The following NT5DC1 variants were observed in gnomAD, a reference collection of about 807,000 sequenced individuals.
NT5DC1 encodes the protein 5'-nucleotidase domain-containing protein 1.
A neutral mutation model predicts 59.4 loss-of-function variants in NT5DC1; 42 were observed. That is an observed-to-expected ratio of 0.71 (90% CI 0.55 to 0.92). The LOEUF is 0.92. Ranked by LOEUF, NT5DC1 falls within the 40% of genes least tolerant of loss-of-function variation. NT5DC1 has a pLI of 0.00. For synonymous variants in NT5DC1, 172 were observed against 188.1 expected, an observed-to-expected ratio of 0.91 and a Z score of 0.70; for missense variants, 501 against 537.1, an observed-to-expected ratio of 0.93 and a Z score of 0.66.
intron 6 of NT5DC1, among the ~76,000 whole-genome samples, chr6:116,185,921 GA>G (rs1333144783): frequency 1.3e-5 from 2 of 151,994 alleles, no homozygotes; most frequent in South Asian, 2.1e-4. Flanking sequence ...GTTGTTTCCT[GA>G]AAACCTTGGA....
rs150986356 is a variant in NT5DC1 at position 116,170,820 on chromosome 6, G to A, written c.530-50234G>A. ...GTTGATCACCTTAGAAGATCTTGCA[G>A]TTCTCACTCCCACCTGCCGTGTAGC... On this transcript the variant is annotated intron_variant, in intron 6 of 11. Transcript: ENST00000319550. Among the ~76,000 whole-genome samples the A allele has an allele frequency of 6.1e-3, 930 of 152,216 alleles. 4 individuals carry two copies. Among genetic ancestry groups the A allele is most frequent in the Non-Finnish European group, 8.1e-3 (553 of 68,004 alleles).
At chr6:116,120,616 G>C in intron 6 of NT5DC1, 2 of 1,565,212 alleles carry the variant, frequency 1.3e-6, no homozygotes, top group Non-Finnish European at 8.6e-7. Context: ...GCTCTCCAGA[G>C]TGGCCTCTTG....
intron 6 of NT5DC1, among the ~76,000 whole-genome samples, chr6:116,135,834 GATATATATATATATATATATATATAT>G (rs199827970): frequency 5.0e-4 from 51 of 102,356 alleles, no homozygotes; most frequent in Admixed American, 1.8e-3. Flanking sequence ...TATATTTTCA[GATATATATATATATATATATATATAT>G]ATATATATAT....
At chr6:116,193,083 C>T (rs1391179199) in intron 6 of NT5DC1, among the ~76,000 whole-genome samples, 3 of 152,090 alleles carry the variant, frequency 2.0e-5, no homozygotes, top group Admixed American at 1.3e-4. Flanking sequence ...GCCTTACAGA[C>T]TCTCATATAT....
rs1436589680 is a variant in NT5DC1 at position 116,248,681 on chromosome 6, G to A, written c.*4657G>A. On this transcript the variant is annotated 3_prime_UTR_variant, in exon 12 of 12. Coordinates refer to ENST00000319550, the MANE Select transcript of NT5DC1 (RefSeq NM_152729.3). ...TGTCACCACTACTCACAGGGATTAT[G>A]GCCTGAGAAACTAAAATGATACTTC... 6.6e-6 allele frequency: 1 copy of A among 152,176 alleles called. No homozygotes were observed. The highest frequency in any genetic ancestry group is 1.5e-5 in the Non-Finnish European group (1 of 68,038). The allele number at this position is 152,176 out of a possible 1,614,324, so 9.4% of individuals were successfully genotyped here. A position where few individuals can be genotyped will look rare whatever the true frequency, so the allele number is the denominator to read the frequency against.
At position 116,246,891 on chromosome 6, in the gene NT5DC1, A is replaced by G. The variant is rs1247994839; in HGVS notation, c.*2867A>G. 2.0e-5 allele frequency: 3 copies of G among 152,204 alleles called. No individual in the cohort carries two copies. Among genetic ancestry groups the G allele is most frequent in the Admixed American group, 6.5e-5 (1 of 15,272 alleles). The allele number at this position is 152,204 out of a possible 1,614,324, so 9.4% of individuals were successfully genotyped here. A position where few individuals can be genotyped will look rare whatever the true frequency, so the allele number is the denominator to read the frequency against. On this transcript the variant is annotated 3_prime_UTR_variant, in exon 12 of 12. Coordinates refer to ENST00000319550, the MANE Select transcript of NT5DC1 (RefSeq NM_152729.3). The stretch of plus-strand genomic sequence containing the variant: ...TTGGTCTCTAGAACTATCCTCAGAA[A>G]TAATAGTAAAACAGTGGTCATGAGT...
rs1293097215 is a variant in NT5DC1 at position 116,184,413 on chromosome 6, T to C, written c.530-36641T>C. On this transcript the variant is annotated intron_variant, in intron 6 of 11. Transcript: ENST00000319550. ...TGGTATTAGGGTGATACTGGCTTCA[T>C]AGAATGATTTAGAGAGGATTCCATC... Among the ~76,000 whole-genome samples, 7 of 152,104 alleles carry C rather than the reference T, an allele frequency of 4.6e-5. No individual in the cohort carries two copies. The East Asian group carries it at 1.2e-3, about 25-fold the overall frequency.
chr6:116,103,133 C>T (rs1279450360), intron 1 of NT5DC1, among the ~76,000 whole-genome samples: 1 of 152,164 alleles, frequency 6.6e-6, no homozygotes, highest in Admixed American at 6.5e-5. Context: ...CCATCAGTAT[C>T]TGTGACAGTT....
rs1056868054 is a variant in NT5DC1 at position 116,119,926 on chromosome 6, A to G, written c.529+1981A>G. On this transcript the variant is annotated intron_variant, in intron 6 of 11. Transcript: ENST00000319550. Reference sequence around the variant, plus strand: ...CGTTGCTGCTCACTTTTCAGGGGGAAGGTTTGTTGGTCTGATAGCTCAAAT... The same window carrying G: ...CGTTGCTGCTCACTTTTCAGGGGGAGGGTTTGTTGGTCTGATAGCTCAAAT... The G allele has an allele frequency of 4.0e-6, 3 of 752,660 alleles. No individual in the cohort carries two copies. In the African/African-American group the frequency reaches 5.2e-5, roughly 13 times the overall value. 46.6% of individuals were successfully genotyped at this position (752,660 alleles called of 1,614,324 possible).
At chr6:116,178,108 T>TGTGTGTGCGCGCGCGC (rs1780791082) in intron 6 of NT5DC1, among the ~76,000 whole-genome samples, 1 of 107,256 alleles carries the variant, frequency 9.3e-6, no homozygotes, top group Non-Finnish European at 2.2e-5. Flanking sequence ...CGCGCGTGCG[T>TGTGTGTGCGCGCGCGC]GCGTGTGTGT....
At chr6:116,241,566 C>G (rs990356405) in intron 11 of NT5DC1, among the ~76,000 whole-genome samples, 12 of 152,012 alleles carry the variant, frequency 7.9e-5, no homozygotes, top group Non-Finnish European at 5.9e-5. Context: ...ATACATATAC[C>G]AAGCTAATAT....
intron 6 of NT5DC1, among the ~76,000 whole-genome samples, chr6:116,179,028 A>G (rs1780814952): frequency 6.6e-6 from 1 of 152,182 alleles, no homozygotes; most frequent in Non-Finnish European, 1.5e-5. Flanking sequence ...TCTTGGCCCT[A>G]AAATAGTCAA....
intron 6 of NT5DC1, among the ~76,000 whole-genome samples, chr6:116,172,640 C>G (rs1391084370): frequency 6.6e-6 from 1 of 152,016 alleles, no homozygotes; most frequent in East Asian, 1.9e-4. Flanking sequence ...AACATATATA[C>G]TTTGTAAGGA....
chr6:116,212,115 T>C (rs1176932886), intron 6 of NT5DC1, among the ~76,000 whole-genome samples: 1 of 152,124 alleles, frequency 6.6e-6, no homozygotes, highest in African/African-American at 2.4e-5. Context: ...CAATTCTTTT[T>C]CAAATTTTTT....
chr6:116,101,651 T>C (rs1159436957), intron 1 of NT5DC1, among the ~76,000 whole-genome samples: 1 of 152,194 alleles, frequency 6.6e-6, no homozygotes, highest in African/African-American at 2.4e-5. Context: ...CTCCGTGCAC[T>C]TTGAATACAT....
intron 6 of NT5DC1, among the ~76,000 whole-genome samples, chr6:116,195,770 A>G (rs997758706): frequency 6.6e-6 from 1 of 152,076 alleles, no homozygotes; most frequent in Non-Finnish European, 1.5e-5. Flanking sequence ...AGCAACTAGT[A>G]GCAATTAAGC....
At chr6:116,214,298 C>G (rs1302953146) in intron 6 of NT5DC1, among the ~76,000 whole-genome samples, 1 of 151,958 alleles carries the variant, frequency 6.6e-6, no homozygotes, top group Non-Finnish European at 1.5e-5. Context: ...ATATATCCTT[C>G]TTATAAAGGA....
chr6:116,181,697 A>G (rs1033156017), intron 6 of NT5DC1, among the ~76,000 whole-genome samples: 1 of 152,118 alleles, frequency 6.6e-6, no homozygotes, highest in Non-Finnish European at 1.5e-5. Context: ...AAATTAACAA[A>G]ACCTATTGCA....
chr6:116,164,444 T>C (rs1780416927), intron 6 of NT5DC1, among the ~76,000 whole-genome samples: 1 of 152,212 alleles, frequency 6.6e-6, no homozygotes, highest in Non-Finnish European at 1.5e-5. Context: ...TGATATATCT[T>C]TCTCCACCCC....
Sources: gnomAD v4.1 joint callset for allele counts (sites outside exome capture counted in the v4.1 genomes callset) on GRCh38, gnomAD v4.1.1 for gene constraint, MANE v1.5 for transcripts, NCBI Gene and HGNC (gene_info 2026-07-23, HGNC 2026-07-21) for gene names.